DMGDH: variants seen among roughly 807,000 people sequenced by gnomAD.
The protein encoded by DMGDH is dimethylglycine dehydrogenase.
DMGDH carries 76 observed loss-of-function variants against 95.2 expected under a neutral mutation model. The ratio of observed to expected loss-of-function variants is 0.80; its 90% CI spans 0.66 to 0.97. The LOEUF is 0.97. Ranked by LOEUF, DMGDH falls within the 50% of genes least tolerant of loss-of-function variation. The pLI is 0.00. For missense variants in DMGDH, 987 were observed against 1,055.0 expected, an observed-to-expected ratio of 0.94 and a Z score of 0.89; for synonymous variants, 345 against 377.6, an observed-to-expected ratio of 0.91 and a Z score of 1.00.
At chr5:79,029,301 G>T (rs1252706570) in intron 11 of DMGDH, among the ~76,000 whole-genome samples, 1 of 152,166 alleles carries the variant, frequency 6.6e-6, no homozygotes, top group African/African-American at 2.4e-5. Flanking sequence ...GTACAACTAA[G>T]ATGAGAATCT....
At chr5:79,057,670 G>T (rs1190069885) in intron 2 of DMGDH, among the ~76,000 whole-genome samples, 1 of 152,148 alleles carries the variant, frequency 6.6e-6, no homozygotes, top group African/African-American at 2.4e-5. Flanking sequence ...GCTTTAACAT[G>T]TTGGTATCCA....
chr5:79,000,617 A>T (rs1753436990), intron 15 of DMGDH: 2 of 617,018 alleles, frequency 3.2e-6, no homozygotes, highest in Admixed American at 3.8e-5. Context: ...TCATCTTCAC[A>T]TTCAACATCT....
chr5:79,046,497 C>G (rs1341200253), intron 5 of DMGDH, among the ~76,000 whole-genome samples: 1 of 152,136 alleles, frequency 6.6e-6, no homozygotes, highest in Non-Finnish European at 1.5e-5. Flanking sequence ...AGGTGATCCT[C>G]TCATCTCAGC....
At chr5:79,022,929 C>T (rs768460964) in intron 14 of DMGDH, among the ~76,000 whole-genome samples, 1 of 152,212 alleles carries the variant, frequency 6.6e-6, no homozygotes, top group Non-Finnish European at 1.5e-5. Context: ...AAGGCTTCTG[C>T]TATCAGAGGG....
rs373553238 is a variant in DMGDH at position 79,045,813 on chromosome 5, GT to G, written c.746-1262del. Among the ~76,000 whole-genome samples the G allele has an allele frequency of 4.3e-3, 659 of 152,292 alleles. 6 individuals are homozygous for G. Among genetic ancestry groups the G allele is most frequent in the African/African-American group, 0.015 (635 of 41,540 alleles). ...TCTGAATCTAATAAGGAGTTCTGAA[GT>G]CTCTATCATTATGAGGTTCCAAGCT... On this transcript the variant is annotated intron_variant, in intron 5 of 15. Coordinates refer to ENST00000255189, the MANE Select transcript of DMGDH (RefSeq NM_013391.3).
intron 7 of DMGDH, among the ~76,000 whole-genome samples, chr5:79,041,811 A>G (rs752394351): frequency 1.6e-4 from 25 of 152,126 alleles, no homozygotes; most frequent in Non-Finnish European, 1.6e-4. Flanking sequence ...CCTGGGCAAC[A>G]TGGTAAAACC....
At chr5:79,063,183 T>G (rs547529614) in intron 2 of DMGDH, among the ~76,000 whole-genome samples, 1 of 152,274 alleles carries the variant, frequency 6.6e-6, no homozygotes, top group South Asian at 2.1e-4. Flanking sequence ...GTAAAGATCT[T>G]GGGCCCATAT....
chr5:79,068,454 G>A (rs1299977171), intron 1 of DMGDH, among the ~76,000 whole-genome samples: 1 of 152,164 alleles, frequency 6.6e-6, no homozygotes, highest in Non-Finnish European at 1.5e-5. Context: ...TGAGGAAACT[G>A]AACCTCAGAA....
chr5:79,005,329 A>C lies in DMGDH; in HGVS notation c.2329T>G (p.Leu777Val). The C allele has an allele frequency of 6.2e-7, 1 of 1,613,784 alleles. No individual in the cohort carries two copies. The highest frequency in any genetic ancestry group is 8.5e-7 in the Non-Finnish European group (1 of 1,179,890). The change falls in exon 15 of 16, where the codon TTG becomes GTG. Residue 777 changes from leucine to valine, a missense_variant. Transcript: ENST00000255189. ...GLKRRLVCLTLATDDVDPEGN... is the reference protein window; with the variant it reads ...GLKRRLVCLTVATDDVDPEGN... ...TCTGGATCAACATCATCCGTTGCCA[A>C]GGTGAGGCAGACCAGTCTTCGTTTC...
chr5:79,037,927 C>T (rs532167012), intron 7 of DMGDH, among the ~76,000 whole-genome samples: 2 of 152,232 alleles, frequency 1.3e-5, no homozygotes, highest in South Asian at 4.2e-4. Context: ...TTTTAAAAGA[C>T]CTAAGTAAAT....
chr5:79,024,379 T>C (rs1753941145), intron 13 of DMGDH, 49 bp from the exon 14 acceptor site: 2 of 1,493,942 alleles, frequency 1.3e-6, no homozygotes, highest in Non-Finnish European at 1.9e-6. Flanking sequence ...CAAGTCATTT[T>C]GGTAACATCA....
At chr5:79,034,547 T>G (rs1754283796) in intron 7 of DMGDH, among the ~76,000 whole-genome samples, 1 of 152,116 alleles carries the variant, frequency 6.6e-6, no homozygotes, top group African/African-American at 2.4e-5. Flanking sequence ...AGGAACTGAA[T>G]GAGCAGAGAG....
intron 14 of DMGDH, chr5:79,020,637 C>A (rs1380487180): frequency 1.0e-6 from 1 of 960,216 alleles, no homozygotes; most frequent in Non-Finnish European, 1.2e-6. Context: ...AGAGACCCTG[C>A]ATTTTCTAGA....
intron 14 of DMGDH, among the ~76,000 whole-genome samples, chr5:79,009,342 CTTCTTTTCTT>C (rs201648827): frequency 3.5e-5 from 5 of 143,450 alleles, no homozygotes; most frequent in African/African-American, 1.3e-4. Flanking sequence ...TACTTTCTTT[CTTCTTTTCTT>C]TTCTTTTCTT....
At chr5:79,066,350 A>G (rs920046684) in intron 1 of DMGDH, among the ~76,000 whole-genome samples, 6 of 151,740 alleles carry the variant, frequency 4.0e-5, no homozygotes, top group Admixed American at 2.6e-4. Context: ...CAGTGGCACG[A>G]TCTCGGCTCA....
Position 79,030,946 on chromosome 5 carries a change from G to GTTTATAC in DMGDH, c.1563_1569dup (p.Gln524ValfsTer2). 1 of 1,614,128 alleles carries GTTTATAC rather than the reference G, an allele frequency of 6.2e-7. No individual in the cohort carries two copies. The highest frequency in any genetic ancestry group is 1.1e-5 in the South Asian group (1 of 91,080). ...GTTACCGCTACTCTTTGCATAACCT[G>GTTTATAC]TTTATACTCCGAGCCCACAGGCTCA... is the stretch of plus-strand genomic sequence containing the variant. On this transcript the variant is annotated stop_gained and frameshift_variant, in exon 10 of 16. Transcript: ENST00000255189. LOFTEE classifies it high-confidence loss of function.
chr5:79,013,406 C>T (rs189953309), intron 14 of DMGDH, among the ~76,000 whole-genome samples: 38 of 152,260 alleles, frequency 2.5e-4, no homozygotes, highest in Admixed American at 7.2e-4. Flanking sequence ...TAGGTCACAA[C>T]GATTCAACAC....
chr5:79,024,992 C>T (rs1753959855), intron 13 of DMGDH, among the ~76,000 whole-genome samples: 1 of 152,246 alleles, frequency 6.6e-6, no homozygotes, highest in Non-Finnish European at 1.5e-5. Context: ...ACAGCACCTG[C>T]ATAAACTAAA....
chr5:79,021,095 A>C (rs1753855466), intron 14 of DMGDH: 1 of 986,086 alleles, frequency 1.0e-6, no homozygotes, highest in Non-Finnish European at 1.2e-6. Flanking sequence ...TTTCAGGTGA[A>C]GCGTTTTTAG....
Sources: gnomAD v4.1 joint callset for allele counts (sites outside exome capture counted in the v4.1 genomes callset) on GRCh38, gnomAD v4.1.1 for gene constraint, MANE v1.5 for transcripts, NCBI Gene and HGNC (gene_info 2026-07-23, HGNC 2026-07-21) for gene names.